Variants in PLCL2 observed in about 807,000 individuals in gnomAD.
PLCL2 encodes phospholipase C like 2, also known as inactive phospholipase C-like protein 2.
A neutral mutation model predicts 79.6 loss-of-function variants in PLCL2; 4 were observed. The ratio of observed to expected loss-of-function variants is 0.05; its 90% CI spans 0.02 to 0.11. The LOEUF (loss-of-function observed/expected upper bound fraction) is 0.11. PLCL2 is among the 10% of genes least tolerant of loss of function. The pLI is 1.00. For missense variants in PLCL2, 895 were observed against 1,291.0 expected, an observed-to-expected ratio of 0.69 and a Z score of 4.70; for synonymous variants, 484 against 457.7, an observed-to-expected ratio of 1.06 and a Z score of -0.73.
chr3:17,007,167 A>G (rs1575583146), intron 1 of PLCL2, among the ~76,000 whole-genome samples: 1 of 152,112 alleles, frequency 6.6e-6, no homozygotes, highest in East Asian at 1.9e-4. Flanking sequence ...AAAACTAAAG[A>G]CATCGGTCAG....
intron 1 of PLCL2, among the ~76,000 whole-genome samples, chr3:16,997,146 C>T (rs2064161690): frequency 6.6e-6 from 1 of 152,140 alleles, no homozygotes; most frequent in South Asian, 2.1e-4. Context: ...CCATCATTGG[C>T]TTTATTAAGA....
intron 1 of PLCL2, among the ~76,000 whole-genome samples, chr3:16,993,256 T>C (rs2064122007): frequency 6.6e-6 from 1 of 152,198 alleles, no homozygotes; most frequent in Admixed American, 6.5e-5. Context: ...ATACCCACAT[T>C]CACTCTTTTT....
intron 1 of PLCL2, among the ~76,000 whole-genome samples, chr3:16,939,911 G>A (rs1697637463): frequency 6.6e-6 from 1 of 152,194 alleles, no homozygotes; most frequent in African/African-American, 2.4e-5. Context: ...GGGAACAGAG[G>A]GAAGACCCAG....
intron 1 of PLCL2, among the ~76,000 whole-genome samples, chr3:16,934,311 A>T (rs894865884): frequency 2.0e-5 from 3 of 152,164 alleles, no homozygotes; most frequent in Non-Finnish European, 4.4e-5. Context: ...CTGGAGAAGC[A>T]GGAGAGATTG....
chr3:17,034,367 G>C (rs1028405706), intron 3 of PLCL2, among the ~76,000 whole-genome samples: 1 of 152,178 alleles, frequency 6.6e-6, no homozygotes, highest in Non-Finnish European at 1.5e-5. Context: ...AAGTGGGTTG[G>C]AAAATGAATA....
At chr3:17,043,947 C>G (rs2064755031) in intron 4 of PLCL2, 1 of 152,168 alleles carries the variant, frequency 6.6e-6, no homozygotes, top group Non-Finnish European at 1.5e-5. Context: ...TTTAATTATT[C>G]AAACACAATT....
rs1259758967 is a variant in PLCL2 at position 17,029,577 on chromosome 3, G to C, written c.3019-13297G>C. On this transcript the variant is annotated intron_variant, in intron 3 of 5. Coordinates refer to ENST00000615277, the MANE Select transcript of PLCL2 (RefSeq NM_001144382.2). Reference sequence around the variant, plus strand: ...ATTGTTACATGAGCTAATAGTCAGAGGCTGTGGTGTACAATGATGTTAGCA... The same window carrying C: ...ATTGTTACATGAGCTAATAGTCAGACGCTGTGGTGTACAATGATGTTAGCA... Among the ~76,000 whole-genome samples the C allele has an allele frequency of 2.0e-5, 3 of 152,114 alleles. No homozygotes were observed. In the East Asian group the frequency reaches 5.8e-4, roughly 29 times the overall value.
chr3:16,920,879 A>T (rs1157493686), intron 1 of PLCL2, among the ~76,000 whole-genome samples: 2 of 152,156 alleles, frequency 1.3e-5, no homozygotes, highest in Admixed American at 6.5e-5. Context: ...TGGTAATTCC[A>T]CATTTATAGC....
intron 1 of PLCL2, among the ~76,000 whole-genome samples, chr3:16,903,355 T>G (rs1489143992): frequency 6.6e-6 from 1 of 152,210 alleles, no homozygotes; most frequent in African/African-American, 2.4e-5. Flanking sequence ...ATTGATACTA[T>G]GCGTGGTCTG....
At chr3:16,964,901 T>C (rs1388747667) in intron 1 of PLCL2, among the ~76,000 whole-genome samples, 1 of 152,154 alleles carries the variant, frequency 6.6e-6, no homozygotes, top group African/African-American at 2.4e-5. Flanking sequence ...TTTGAGTTCA[T>C]TGTAGATGCT....
intron 5 of PLCL2, among the ~76,000 whole-genome samples, chr3:17,075,301 A>G (rs2065098341): frequency 6.6e-6 from 1 of 152,158 alleles, no homozygotes; most frequent in African/African-American, 2.4e-5. Flanking sequence ...GAACACACAC[A>G]ACATTTACCA....
rs75014047 is a variant in PLCL2 at position 16,931,779 on chromosome 3, G to A, written c.327+46413G>A. Among the ~76,000 whole-genome samples, 1,325 of 152,230 alleles carry A rather than the reference G, an allele frequency of 8.7e-3. 16 individuals carry two copies. Among genetic ancestry groups the A allele is most frequent in the Non-Finnish European group, 0.012 (819 of 68,018 alleles). ...ATTTTAAGAACTTGATGAGATGTTG[G>A]ATATGAAAGCATCTTGTATAGGTAA... On this transcript the variant is annotated intron_variant, in intron 1 of 5. Transcript: ENST00000615277.
At chr3:17,030,313 A>G (rs1362824763) in intron 3 of PLCL2, among the ~76,000 whole-genome samples, 1 of 152,166 alleles carries the variant, frequency 6.6e-6, no homozygotes, top group Non-Finnish European at 1.5e-5. Context: ...AGCCTAGAAC[A>G]TAATAAATAC....
chr3:16,994,066 A>AGTTAAATT (rs2124997772), intron 1 of PLCL2, among the ~76,000 whole-genome samples: 1 of 152,364 alleles, frequency 6.6e-6, no homozygotes, highest in African/African-American at 2.4e-5. Flanking sequence ...GATTCATTGA[A>AGTTAAATT]GCAGTTAAAT....
chr3:16,957,028 T>G (rs889791038), intron 1 of PLCL2, among the ~76,000 whole-genome samples: 9 of 152,240 alleles, frequency 5.9e-5, no homozygotes, highest in Non-Finnish European at 1.0e-4. Context: ...CTCTATTTCC[T>G]TCAGTTCTGC....
intron 1 of PLCL2, among the ~76,000 whole-genome samples, chr3:16,974,920 A>C (rs552175690): frequency 8.0e-4 from 122 of 152,324 alleles, no homozygotes; most frequent in African/African-American, 2.9e-3. Context: ...GCTTAAATCC[A>C]TGGCCCAGAC....
At chr3:16,939,003 C>G (rs1349569031) in intron 1 of PLCL2, among the ~76,000 whole-genome samples, 1 of 152,192 alleles carries the variant, frequency 6.6e-6, no homozygotes, top group Non-Finnish European at 1.5e-5. Flanking sequence ...ATCATCTGAT[C>G]TTGTCTCCAT....
chr3:17,006,320 G>A (rs573832420), intron 1 of PLCL2, among the ~76,000 whole-genome samples: 1 of 152,324 alleles, frequency 6.6e-6, no homozygotes, highest in African/African-American at 2.4e-5. Flanking sequence ...TCCTGCCATT[G>A]AACACCAGTT....
chr3:16,934,076 A>G (rs972440635), intron 1 of PLCL2, among the ~76,000 whole-genome samples: 3 of 152,130 alleles, frequency 2.0e-5, no homozygotes, highest in Non-Finnish European at 4.4e-5. Flanking sequence ...AAAACAAACG[A>G]ACAAAAAAGT....
Sources: gnomAD v4.1 joint callset for allele counts (sites outside exome capture counted in the v4.1 genomes callset) on GRCh38, gnomAD v4.1.1 for gene constraint, MANE v1.5 for transcripts, NCBI Gene and HGNC (gene_info 2026-07-23, HGNC 2026-07-21) for gene names.